CELF4: variants seen among roughly 807,000 people sequenced by gnomAD.
CELF4 encodes CUGBP Elav-like family member 4, also known as CUG-BP- and ETR-3-like factor 4.
A neutral mutation model predicts 59.9 loss-of-function variants in CELF4; 18 were observed. That is an observed-to-expected ratio of 0.30 (90% CI 0.21 to 0.45). The LOEUF (loss-of-function observed/expected upper bound fraction) is 0.45. Among genes scored for constraint, CELF4 ranks in the 20% least tolerant of loss-of-function variants. The probability of loss-of-function intolerance (pLI) is 1.00; values close to 1 mark genes in which losing one functional copy is unlikely to be tolerated. For synonymous variants in CELF4, 261 were observed against 267.1 expected (o/e 0.98, Z 0.22); for missense variants, 456 against 689.0 (o/e 0.66, Z 3.79).
At chr18:37,286,322 A>G (rs947435393) in intron 3 of CELF4, among the ~76,000 whole-genome samples, 8 of 152,218 alleles carry the variant, frequency 5.3e-5, no homozygotes, top group Non-Finnish European at 1.2e-4. Context: ...AGAGCTGCAC[A>G]GTGATAAGGC....
At chr18:37,498,835 C>T (rs994556813) in intron 1 of CELF4, among the ~76,000 whole-genome samples, 4 of 152,048 alleles carry the variant, frequency 2.6e-5, no homozygotes, top group Admixed American at 2.6e-4. Context: ...CTTCTGGGAG[C>T]CCTGGGGTAG....
chr18:37,309,072 C>G (rs186081142), intron 3 of CELF4, among the ~76,000 whole-genome samples: 1 of 152,158 alleles, frequency 6.6e-6, no homozygotes, highest in African/African-American at 2.4e-5. Context: ...CCCACCCATG[C>G]CAAAGGGTAT....
In CELF4 at chr18:37,545,816, G is replaced by A. The variant is rs2099981199; in HGVS notation, c.286+19540C>T. On this transcript the variant is annotated intron_variant, in intron 1 of 12. Transcript: ENST00000420428. ...GCTGTCTCCAAGAAGAGACCTCAGG[G>A]CTACCTTCTGGGGAGCTGACCCCCT... is the stretch of plus-strand genomic sequence containing the variant. 3.9e-5 allele frequency among the ~76,000 whole-genome samples: 6 copies of A among 151,998 alleles called. No individual in the cohort carries two copies. The South Asian group carries it at 1.2e-3, about 32-fold the overall frequency.
intron 3 of CELF4, among the ~76,000 whole-genome samples, chr18:37,282,884 G>A (rs2094321032): frequency 6.6e-6 from 1 of 152,192 alleles, no homozygotes; most frequent in South Asian, 2.1e-4. Context: ...TCCCTCCACT[G>A]CACTGTGCTA....
rs1391144798 is a variant in CELF4, at chr18:37,321,698, G to A, written c.448+105C>T. 13 of 782,134 alleles carry A rather than the reference G, an allele frequency of 1.7e-5. No individual in the cohort carries two copies. In the Admixed American group the frequency reaches 2.7e-4, roughly 17 times the overall value. The allele number at this position is 782,134 out of a possible 1,614,324, so 48.4% of individuals were successfully genotyped here. A position where few individuals can be genotyped will look rare whatever the true frequency, so the allele number is the denominator to read the frequency against. ...CCCTCAGCCACGAGATCCCCAGAGG[G>A]GCAAGAGGAGGAGGCGGGGAGTCGC... On this transcript the variant is annotated intron_variant, in intron 3 of 12. Transcript: ENST00000420428.
chr18:37,332,061 A>G (rs2097562936), intron 2 of CELF4, among the ~76,000 whole-genome samples: 1 of 152,164 alleles, frequency 6.6e-6, no homozygotes, highest in African/African-American at 2.4e-5. Flanking sequence ...AGAGGTGCCC[A>G]AGACACCAAG....
intron 2 of CELF4, among the ~76,000 whole-genome samples, chr18:37,339,489 C>T (rs2097910090): frequency 6.6e-6 from 1 of 152,198 alleles, no homozygotes; most frequent in African/African-American, 2.4e-5. Context: ...CACAGTGGCT[C>T]ATGTCTGCAA....
chr18:37,511,437 C>T (rs1372565831), intron 1 of CELF4, among the ~76,000 whole-genome samples: 2 of 152,128 alleles, frequency 1.3e-5, no homozygotes, highest in South Asian at 2.1e-4. Context: ...GCTCTCCTCT[C>T]AGGCCCAGCT....
chr18:37,544,586 C>T (rs1047349436), intron 1 of CELF4, among the ~76,000 whole-genome samples: 8 of 152,016 alleles, frequency 5.3e-5, no homozygotes, highest in African/African-American at 1.2e-4. Context: ...TATGTGGGTA[C>T]GTGTGTGTGC....
rs745819955 is a variant in CELF4 at position 37,274,736 on chromosome 18, G to C, written c.657+69C>G. 2.0e-6 allele frequency: 3 copies of C among 1,508,604 alleles called. No homozygotes were observed. In the Admixed American group the frequency reaches 6.3e-5, roughly 32 times the overall value. The allele number at this position is 1,508,604 out of a possible 1,614,324, so 93.5% of individuals were successfully genotyped here. A position where few individuals can be genotyped will look rare whatever the true frequency, so the allele number is the denominator to read the frequency against. On this transcript the variant is annotated intron_variant, in intron 5 of 12. Coordinates refer to ENST00000420428, the MANE Select transcript of CELF4 (RefSeq NM_020180.4). ...TCTTGGGGAGACTGGACAGCCGGCG[G>C]GGCGTGGCGGGTGCTGGGGTCTCGG...
At chr18:37,430,780 C>T (rs1055978819) in intron 2 of CELF4, among the ~76,000 whole-genome samples, 3 of 152,198 alleles carry the variant, frequency 2.0e-5, no homozygotes, top group Non-Finnish European at 2.9e-5. Context: ...CTAGTTGTGT[C>T]TCCCAGGGCT....
In CELF4 at chr18:37,264,839, G is replaced by A. The variant is rs2076629982; in HGVS notation, c.1166-82C>T. ...AAGAAAGAGAGAGATTTCAGTGCAGGCAGTAAAAGCAGATCAGCCAAAAAG... is the reference window on the plus strand; with the variant it reads ...AAGAAAGAGAGAGATTTCAGTGCAGACAGTAAAAGCAGATCAGCCAAAAAG... On this transcript the variant is annotated intron_variant, in intron 9 of 12. Coordinates refer to ENST00000420428, the MANE Select transcript of CELF4 (RefSeq NM_020180.4). 5 of 1,199,590 alleles carry A rather than the reference G, an allele frequency of 4.2e-6. No homozygotes were observed. In the South Asian group the frequency reaches 5.2e-5, roughly 13 times the overall value. The allele number at this position is 1,199,590 out of a possible 1,614,324, so 74.3% of individuals were successfully genotyped here.
chr18:37,387,714 G>A (rs753608925), intron 2 of CELF4, among the ~76,000 whole-genome samples: 2 of 152,220 alleles, frequency 1.3e-5, no homozygotes, highest in African/African-American at 2.4e-5. Flanking sequence ...TTCTGCGGGT[G>A]GGACTTTGTT....
chr18:37,565,035 C>G (rs1232465459), intron 1 of CELF4, among the ~76,000 whole-genome samples: 1 of 152,078 alleles, frequency 6.6e-6, no homozygotes, highest in Non-Finnish European at 1.5e-5. Context: ...GCAGCCTTCC[C>G]CATCCCCATC....
intron 2 of CELF4, among the ~76,000 whole-genome samples, chr18:37,431,289 T>C (rs184571284): frequency 1.3e-5 from 2 of 152,268 alleles, no homozygotes; most frequent in East Asian, 3.9e-4. Flanking sequence ...CTCATCTTCT[T>C]TTCCTGGTGG....
At chr18:37,448,397 A>G (rs979327255) in intron 2 of CELF4, among the ~76,000 whole-genome samples, 1 of 152,190 alleles carries the variant, frequency 6.6e-6, no homozygotes, top group African/African-American at 2.4e-5. Flanking sequence ...GCTGCACAGA[A>G]GCCTCCCTGA....
chr18:37,353,226 A>T (rs1258948615), intron 2 of CELF4, among the ~76,000 whole-genome samples: 1 of 99,696 alleles, frequency 1.0e-5, no homozygotes, highest in African/African-American at 4.2e-5. Flanking sequence ...GTCTCAAAAA[A>T]AAAAAAAATA....
At chr18:37,483,240 C>T (rs2099873431) in intron 2 of CELF4, among the ~76,000 whole-genome samples, 1 of 152,218 alleles carries the variant, frequency 6.6e-6, no homozygotes, top group South Asian at 2.1e-4. Context: ...ATCAAAACAA[C>T]TCTACTTTAA....
At chr18:37,464,525 C>T (rs1057434007) in intron 2 of CELF4, among the ~76,000 whole-genome samples, 1 of 152,320 alleles carries the variant, frequency 6.6e-6, no homozygotes, top group African/African-American at 2.4e-5. Flanking sequence ...GACATCAGAG[C>T]TTTGTCCATT....
Sources: gnomAD v4.1 joint callset for allele counts (sites outside exome capture counted in the v4.1 genomes callset) on GRCh38, gnomAD v4.1.1 for gene constraint, MANE v1.5 for transcripts, NCBI Gene and HGNC (gene_info 2026-07-23, HGNC 2026-07-21) for gene names.